Variants in GAB2 observed in about 807,000 individuals in gnomAD.
GAB2 encodes GRB2-associated-binding protein 2.
GAB2 carries 26 observed loss-of-function variants against 65.5 expected under a neutral mutation model. The observed-to-expected ratio is 0.40, with a 90% CI of 0.29 to 0.55. GAB2 has a LOEUF of 0.55. Among genes scored for constraint, GAB2 ranks in the 20% least tolerant of loss-of-function variants. The pLI, the probability that GAB2 is intolerant of heterozygous loss-of-function variation, is 0.53. For synonymous variants in GAB2, 321 were observed against 329.6 expected (o/e 0.97, Z 0.28); for missense variants, 884 against 875.8 (o/e 1.01, Z -0.12).
intron 1 of GAB2, chr11:78,318,366 T>G: frequency 3.3e-4 from 2 of 5,974 alleles, no homozygotes; most frequent in Admixed American, 1.6e-3. Flanking sequence ...GATTGTTAAA[T>G]GCCAAAAAAA....
intron 1 of GAB2, among the ~76,000 whole-genome samples, chr11:78,349,236 A>G (rs116832498): frequency 0.012 from 1,873 of 152,316 alleles, 32 homozygotes; most frequent in African/African-American, 0.043. Context: ...TGCCACTGGA[A>G]ACAAGTTAGC....
At chr11:78,317,477 T>A (rs1440933514) in intron 1 of GAB2, among the ~76,000 whole-genome samples, 1 of 147,846 alleles carries the variant, frequency 6.8e-6, no homozygotes, top group African/African-American at 2.5e-5. Flanking sequence ...GGATAATCGC[T>A]TGAACCTGGG....
chr11:78,375,660 A>G (rs1417217006), intron 1 of GAB2, among the ~76,000 whole-genome samples: 1 of 151,744 alleles, frequency 6.6e-6, no homozygotes, highest in Non-Finnish European at 1.5e-5. Flanking sequence ...TAGTAATCTG[A>G]GCTGAACTAG....
chr11:78,340,927 A>G (rs1856083007), intron 1 of GAB2, among the ~76,000 whole-genome samples: 1 of 152,196 alleles, frequency 6.6e-6, no homozygotes, highest in Non-Finnish European at 1.5e-5. Context: ...TGGAAGCAGG[A>G]AGGGATAAGC....
chr11:78,404,799 A>G (rs1344846123), intron 1 of GAB2, among the ~76,000 whole-genome samples: 1 of 152,252 alleles, frequency 6.6e-6, no homozygotes, highest in African/African-American at 2.4e-5. Flanking sequence ...GTTAGTGGGT[A>G]TAAAAATACA....
intron 1 of GAB2, among the ~76,000 whole-genome samples, chr11:78,413,226 G>A (rs1318744705): frequency 6.6e-6 from 1 of 152,198 alleles, no homozygotes; most frequent in Non-Finnish European, 1.5e-5. Flanking sequence ...TGACCACCAT[G>A]CAAATGATAA....
chr11:78,370,241 A>T (rs1856549576), intron 1 of GAB2, among the ~76,000 whole-genome samples: 1 of 133,754 alleles, frequency 7.5e-6, no homozygotes, highest in Admixed American at 7.9e-5. Flanking sequence ...TGGGCGACAG[A>T]GCGAGACTCC....
At chr11:78,245,484 A>G (rs1865270169) in intron 3 of GAB2, among the ~76,000 whole-genome samples, 1 of 152,204 alleles carries the variant, frequency 6.6e-6, no homozygotes, top group Admixed American at 6.5e-5. Context: ...ATACCTAGCA[A>G]AATCTCTCTC....
chr11:78,263,936 G>C (rs1865804285), intron 2 of GAB2, among the ~76,000 whole-genome samples: 1 of 151,370 alleles, frequency 6.6e-6, no homozygotes, highest in African/African-American at 2.4e-5. Context: ...ATCTCATTGG[G>C]GGAGCAATAA....
rs1454308961 is a variant in GAB2, at chr11:78,217,018, T to C, written c.*2254A>G. 2 of 152,436 alleles carry C rather than the reference T, an allele frequency of 1.3e-5. No homozygotes were observed. Among genetic ancestry groups the C allele is most frequent in the East Asian group, 1.9e-4 (1 of 5,186 alleles). 9.4% of individuals were successfully genotyped at this position (152,436 alleles called of 1,614,324 possible). On this transcript the variant is annotated 3_prime_UTR_variant, in exon 10 of 10. Coordinates refer to ENST00000361507, the MANE Select transcript of GAB2 (RefSeq NM_080491.3). ...CCCAAGACACAAGGCTTTCCAAGCC[T>C]CTCCTTCCTTCTTCCTCCACTGGAC...
intron 2 of GAB2, among the ~76,000 whole-genome samples, chr11:78,279,692 G>A (rs767877471): frequency 5.3e-5 from 8 of 151,818 alleles, no homozygotes; most frequent in South Asian, 2.1e-4. Flanking sequence ...TCATACAAAC[G>A]GAATCATAAA....
chr11:78,241,376 T>C (rs1236900157), intron 3 of GAB2, among the ~76,000 whole-genome samples: 1 of 151,980 alleles, frequency 6.6e-6, no homozygotes, highest in East Asian at 1.9e-4. Flanking sequence ...GCATGGACAC[T>C]TAACATGAGG....
chr11:78,313,719 G>A (rs910406379), intron 1 of GAB2, among the ~76,000 whole-genome samples: 1 of 152,190 alleles, frequency 6.6e-6, no homozygotes, highest in Admixed American at 6.5e-5. Flanking sequence ...AACAACAAAA[G>A]CCTCTAGGTG....
chr11:78,363,581 AT>A (rs751245940), intron 1 of GAB2, among the ~76,000 whole-genome samples: 122 of 146,510 alleles, frequency 8.3e-4, no homozygotes, highest in African/African-American at 2.9e-3. Context: ...ATAGAAATAT[AT>A]TTTCTTTTTT....
intron 2 of GAB2, among the ~76,000 whole-genome samples, chr11:78,276,232 C>T (rs906959962): frequency 1.3e-5 from 2 of 151,726 alleles, no homozygotes; most frequent in Admixed American, 1.3e-4. Context: ...CCCAGGAGTT[C>T]GAGGCTGCAG....
In GAB2 at chr11:78,220,311, C is replaced by A; in HGVS notation, c.1887+8G>T. On this transcript the variant is annotated splice_region_variant and intron_variant, in intron 9 of 9. Coordinates refer to ENST00000361507, the MANE Select transcript of GAB2 (RefSeq NM_080491.3). ...CTCTTACTGCCCCCCCAACTCTACT[C>A]CAGGCACCTTGCGGTGGGGGCTTGG... is the stretch of plus-strand genomic sequence containing the variant. 6.2e-7 allele frequency: 1 copy of A among 1,612,176 alleles called. No individual in the cohort carries two copies. Among genetic ancestry groups the A allele is most frequent in the African/African-American group, 1.3e-5 (1 of 75,000 alleles).
chr11:78,251,263 T>G (rs1865447805), intron 2 of GAB2, among the ~76,000 whole-genome samples: 1 of 152,154 alleles, frequency 6.6e-6, no homozygotes, highest in South Asian at 2.1e-4. Context: ...CAAATGCATT[T>G]GGAGCTGTCC....
Position 78,225,099 on chromosome 11 carries a change from C to A in GAB2, c.1302+9G>T, listed in dbSNP as rs1434177419. 1 of 1,594,266 alleles carries A rather than the reference C, an allele frequency of 6.3e-7. No individual in the cohort carries two copies. Among genetic ancestry groups the A allele is most frequent in the Admixed American group, 1.7e-5 (1 of 59,944 alleles). On this transcript the variant is annotated intron_variant, in intron 5 of 9. Transcript: ENST00000361507. ...CGGCCTGAGGACCCTTGGGTTAACC[C>A]ACACTCACCAGGAAAGAGCCAACTC...
At chr11:78,263,088 T>A (rs898707139) in intron 2 of GAB2, among the ~76,000 whole-genome samples, 1 of 152,228 alleles carries the variant, frequency 6.6e-6, no homozygotes, top group African/African-American at 2.4e-5. Flanking sequence ...TCACTCTGGT[T>A]TGCATAAACA....
Sources: gnomAD v4.1 joint callset for allele counts (sites outside exome capture counted in the v4.1 genomes callset) on GRCh38, gnomAD v4.1.1 for gene constraint, MANE v1.5 for transcripts, NCBI Gene and HGNC (gene_info 2026-07-23, HGNC 2026-07-21) for gene names.